The following PPP1R9A variants were observed in gnomAD, a reference collection of about 807,000 sequenced individuals.
PPP1R9A encodes neurabin-1.
Under a neutral mutation model 141.9 loss-of-function variants are expected in PPP1R9A, and 59 were observed. The ratio of observed to expected loss-of-function variants is 0.42; its 90% CI spans 0.34 to 0.52. The LOEUF is 0.52. Among genes scored for constraint, PPP1R9A ranks in the 20% least tolerant of loss-of-function variants. The pLI, the probability that PPP1R9A is intolerant of heterozygous loss-of-function variation, is 0.10. For missense variants in PPP1R9A, 1,444 were observed against 1,611.9 expected (o/e 0.90, Z 1.78); for synonymous variants, 500 against 569.7 (o/e 0.88, Z 1.74).
chr7:95,165,964 A>G (rs558004930), intron 5 of PPP1R9A, among the ~76,000 whole-genome samples: 20 of 152,250 alleles, frequency 1.3e-4, no homozygotes, highest in East Asian at 5.8e-4. Context: ...CCTGGCCAAC[A>G]TAGTAAAACC....
At chr7:95,095,978 G>C (rs899591672) in intron 2 of PPP1R9A, among the ~76,000 whole-genome samples, 2 of 152,186 alleles carry the variant, frequency 1.3e-5, no homozygotes, top group East Asian at 1.9e-4. Flanking sequence ...TGGTTGTACT[G>C]TGTAGGTCTC....
chr7:95,253,915 T>G (rs1211447748), intron 12 of PPP1R9A, among the ~76,000 whole-genome samples: 1 of 152,134 alleles, frequency 6.6e-6, no homozygotes, highest in Non-Finnish European at 1.5e-5. Context: ...ATCTAGTAGC[T>G]TTTCATTTCT....
intron 2 of PPP1R9A, among the ~76,000 whole-genome samples, chr7:94,935,112 A>C (rs1434008368): frequency 2.0e-5 from 3 of 152,196 alleles, no homozygotes; most frequent in Non-Finnish European, 4.4e-5. Context: ...ACTTTAAGAC[A>C]TACGAATTTT....
intron 4 of PPP1R9A, among the ~76,000 whole-genome samples, chr7:95,127,495 CTTTTTTTCTTTCTT>C (rs1252295526): frequency 3.0e-5 from 4 of 132,152 alleles, no homozygotes; most frequent in Admixed American, 8.2e-5. Flanking sequence ...CTTCTGTCTT[CTTTTTTTCTTTCTT>C]TTTTTTTTTT....
In PPP1R9A at chr7:95,036,827, T is replaced by A. The variant is rs1808486287; in HGVS notation, c.1396-74432T>A. 4 of 152,164 alleles carry A rather than the reference T, an allele frequency of 2.6e-5. No homozygotes were observed. In the South Asian group the frequency reaches 8.3e-4, roughly 32 times the overall value. 9.4% of individuals were successfully genotyped at this position (152,164 alleles called of 1,614,324 possible). A position where few individuals can be genotyped will look rare whatever the true frequency, so the allele number is the denominator to read the frequency against. On this transcript the variant is annotated intron_variant, in intron 2 of 19. Transcript: ENST00000433360. The stretch of plus-strand genomic sequence containing the variant: ...TATTGACCTCTCCAGTGATCTAGAC[T>A]GAGGGTAGGAGGGCAGATAAGAGAA...
chr7:95,203,809 T>G, intron 7 of PPP1R9A, 79 bp downstream of exon 7: 1 of 1,072,774 alleles, frequency 9.3e-7, no homozygotes, highest in South Asian at 1.5e-5. Flanking sequence ...TTGTGTCTTA[T>G]TAACTATCTG....
intron 2 of PPP1R9A, among the ~76,000 whole-genome samples, chr7:95,028,433 A>C (rs1213745200): frequency 2.0e-5 from 3 of 152,226 alleles, no homozygotes; most frequent in Non-Finnish European, 4.4e-5. Flanking sequence ...TTAGAATAGC[A>C]ATCTCAAATG....
At chr7:95,276,294 A>T (rs1053857226) in intron 16 of PPP1R9A, among the ~76,000 whole-genome samples, 4 of 152,096 alleles carry the variant, frequency 2.6e-5, no homozygotes, top group Admixed American at 2.6e-4. Context: ...GCCAGAGATG[A>T]TTCACCTCCT....
At chr7:95,071,837 A>G (rs142150567) in intron 2 of PPP1R9A, among the ~76,000 whole-genome samples, 44 of 152,080 alleles carry the variant, frequency 2.9e-4, no homozygotes, top group African/African-American at 8.9e-4. Flanking sequence ...TAATTATTAC[A>G]CTATTACGAT....
intron 2 of PPP1R9A, among the ~76,000 whole-genome samples, chr7:94,981,981 C>G (rs534160725): frequency 6.6e-6 from 1 of 151,038 alleles, no homozygotes; most frequent in Non-Finnish European, 1.5e-5. Context: ...CCCAACCCCC[C>G]ACCCCACTAC....
At chr7:94,932,674 G>T (rs1794297956) in intron 2 of PPP1R9A, among the ~76,000 whole-genome samples, 1 of 151,834 alleles carries the variant, frequency 6.6e-6, no homozygotes, top group Admixed American at 6.6e-5. Flanking sequence ...TTAACTACCT[G>T]CTCTACCAAT....
intron 4 of PPP1R9A, among the ~76,000 whole-genome samples, chr7:95,133,698 A>C (rs917585043): frequency 6.6e-6 from 1 of 151,616 alleles, no homozygotes; most frequent in African/African-American, 2.4e-5. Context: ...TGATTTCATT[A>C]TTTATTTATT....
chr7:95,002,276 C>T (rs1205049129), intron 2 of PPP1R9A, among the ~76,000 whole-genome samples: 2 of 152,176 alleles, frequency 1.3e-5, no homozygotes, highest in East Asian at 3.8e-4. Context: ...TTTATTCATA[C>T]ACTGAAGGTC....
At chr7:95,196,392 A>G (rs1269339518) in intron 5 of PPP1R9A, among the ~76,000 whole-genome samples, 1 of 152,180 alleles carries the variant, frequency 6.6e-6, no homozygotes, top group African/African-American at 2.4e-5. Context: ...AAATGATACT[A>G]TTACTTCGAA....
intron 5 of PPP1R9A, among the ~76,000 whole-genome samples, chr7:95,190,129 C>T (rs772424466): frequency 6.6e-5 from 10 of 152,066 alleles, no homozygotes; most frequent in Admixed American, 2.0e-4. Context: ...ATTACTTTTC[C>T]GATTCCTTCT....
chr7:95,176,109 C>A (rs923715626), intron 5 of PPP1R9A, among the ~76,000 whole-genome samples: 1 of 151,946 alleles, frequency 6.6e-6, no homozygotes, highest in African/African-American at 2.4e-5. Flanking sequence ...TCCTGCAGGA[C>A]CCAGGAGACA....
chr7:95,093,703 C>T (rs1352130644), intron 2 of PPP1R9A, among the ~76,000 whole-genome samples: 3 of 152,068 alleles, frequency 2.0e-5, no homozygotes, highest in Non-Finnish European at 4.4e-5. Flanking sequence ...GTAATATTAA[C>T]AAATGTTCCT....
At chr7:95,186,006 G>T (rs1216508310) in intron 5 of PPP1R9A, among the ~76,000 whole-genome samples, 1 of 149,440 alleles carries the variant, frequency 6.7e-6, no homozygotes, top group Non-Finnish European at 1.5e-5. Context: ...GGCTATGCAG[G>T]CTCTTTTTTT....
At chr7:94,982,767 C>G (rs1800287079) in intron 2 of PPP1R9A, among the ~76,000 whole-genome samples, 1 of 152,122 alleles carries the variant, frequency 6.6e-6, no homozygotes, top group Non-Finnish European at 1.5e-5. Context: ...TTCTCCCATT[C>G]TGTAGGTTGC....
Sources: allele counts gnomAD v4.1 joint callset (sites outside exome capture counted in the v4.1 genomes callset), GRCh38; gene constraint gnomAD v4.1.1; transcripts MANE v1.5; gene names NCBI Gene and HGNC (gene_info 2026-07-23, HGNC 2026-07-21).